Variants in MTHFD2L observed in about 807,000 individuals in gnomAD.
MTHFD2L encodes bifunctional methylenetetrahydrofolate dehydrogenase/cyclohydrolase 2, mitochondrial.
MTHFD2L carries 29 observed loss-of-function variants against 34.9 expected under a neutral mutation model. That is an observed-to-expected ratio of 0.83 (90% CI 0.62 to 1.13). The LOEUF is 1.13. Ranked by LOEUF, MTHFD2L falls within the 50% of genes most tolerant of loss-of-function variation. MTHFD2L has a pLI of 0.00. For synonymous variants in MTHFD2L, 167 were observed against 155.7 expected (o/e 1.07, Z -0.54); for missense variants, 481 against 446.5 (o/e 1.08, Z -0.70).
At chr4:74,168,118 G>C (rs1163552514) in intron 1 of MTHFD2L, among the ~76,000 whole-genome samples, 1 of 152,072 alleles carries the variant, frequency 6.6e-6, no homozygotes, top group Non-Finnish European at 1.5e-5. Flanking sequence ...ATTTTCACCA[G>C]TTATTTTAAA....
intron 1 of MTHFD2L, among the ~76,000 whole-genome samples, chr4:74,127,135 T>C (rs896776561): frequency 6.6e-6 from 1 of 152,198 alleles, no homozygotes; most frequent in African/African-American, 2.4e-5. Context: ...GAGTCAATTA[T>C]GCCTCTTTTC....
At chr4:74,293,229 G>A (rs192593180) in intron 7 of MTHFD2L, among the ~76,000 whole-genome samples, 89 of 152,030 alleles carry the variant, frequency 5.9e-4, no homozygotes, top group Non-Finnish European at 1.0e-3. Context: ...AGTGTGTGAT[G>A]TTCCCCTCCC....
intron 1 of MTHFD2L, 33 bp downstream of exon 1, chr4:74,158,314 G>T (rs1424806052): frequency 1.6e-6 from 2 of 1,240,392 alleles, no homozygotes; most frequent in South Asian, 3.5e-5. Flanking sequence ...GTGCGGAGCC[G>T]CTGGCGGTGG....
chr4:74,254,601 T>C (rs1225807123), intron 6 of MTHFD2L, among the ~76,000 whole-genome samples: 6 of 106,208 alleles, frequency 5.6e-5, no homozygotes, highest in African/African-American at 2.1e-4. Flanking sequence ...AAAAAAAAAA[T>C]GCTGAGGGAG....
upstream of MTHFD2L, among the ~76,000 whole-genome samples, chr4:74,155,612 T>C (rs1433226069): frequency 3.9e-5 from 6 of 152,120 alleles, no homozygotes; most frequent in Non-Finnish European, 7.4e-5. Context: ...TGTCAAACTT[T>C]AGGTAAAACA....
intron 3 of MTHFD2L, among the ~76,000 whole-genome samples, chr4:74,190,112 AC>A (rs1472914058): frequency 1.3e-5 from 2 of 152,204 alleles, no homozygotes; most frequent in African/African-American, 4.8e-5. Context: ...TCCCAAAAAA[AC>A]ATCTTTTCTT....
chr4:74,182,220 C>T (rs887082051), intron 3 of MTHFD2L, among the ~76,000 whole-genome samples: 1 of 152,138 alleles, frequency 6.6e-6, no homozygotes, highest in African/African-American at 2.4e-5. Context: ...ACCCTGTAAT[C>T]TGCCTTGTAT....
At chr4:74,196,511 G>T (rs1027958011) in intron 3 of MTHFD2L, among the ~76,000 whole-genome samples, 12 of 152,214 alleles carry the variant, frequency 7.9e-5, no homozygotes, top group African/African-American at 2.9e-4. Context: ...TCCAACAGAT[G>T]TGGGGGAAGT....
intron 6 of MTHFD2L, among the ~76,000 whole-genome samples, chr4:74,233,834 G>GA (rs1439049922): frequency 6.6e-6 from 1 of 151,506 alleles, no homozygotes; most frequent in Non-Finnish European, 1.5e-5. Context: ...AGGGACTTTT[G>GA]AAAAGGGGGA....
intron 1 of MTHFD2L, chr4:74,160,397 T>G (rs1725173495): frequency 5.7e-6 from 1 of 175,908 alleles, no homozygotes. Context: ...CCTATAATAA[T>G]GGAATATTTA....
chr4:74,133,622 C>G (rs1722705094), intron 1 of MTHFD2L, among the ~76,000 whole-genome samples: 1 of 152,038 alleles, frequency 6.6e-6, no homozygotes, highest in Admixed American at 6.6e-5. Flanking sequence ...TGTTTCAATT[C>G]AGCAAATGTG....
intron 1 of MTHFD2L, among the ~76,000 whole-genome samples, chr4:74,168,515 C>T (rs918464928): frequency 2.0e-5 from 3 of 152,186 alleles, no homozygotes; most frequent in African/African-American, 7.2e-5. Flanking sequence ...TCATGTTACA[C>T]ATATTAAATA....
At chr4:74,291,467 G>A (rs1748950324) in intron 7 of MTHFD2L, among the ~76,000 whole-genome samples, 1 of 152,100 alleles carries the variant, frequency 6.6e-6, no homozygotes, top group African/African-American at 2.4e-5. Context: ...GGGAACAAAA[G>A]CTTTCATGCA....
At position 74,266,262 on chromosome 4, in the gene MTHFD2L, A is replaced by T. The variant is rs549524906; in HGVS notation, c.806-15163A>T. The stretch of plus-strand genomic sequence containing the variant: ...TTAGTTTTCACTATTATGTTTCTAA[A>T]CTCTCATCAAATGAGCTAGTCATCA... On this transcript the variant is annotated intron_variant, in intron 6 of 7. Transcript: ENST00000325278. Among the ~76,000 whole-genome samples, 4 of 152,154 alleles carry T rather than the reference A, an allele frequency of 2.6e-5. No homozygotes were observed. The East Asian group carries it at 7.7e-4, about 29-fold the overall frequency.
chr4:74,214,474 A>C (rs1258911907), intron 5 of MTHFD2L, among the ~76,000 whole-genome samples: 2 of 151,714 alleles, frequency 1.3e-5, no homozygotes, highest in Non-Finnish European at 2.9e-5. Flanking sequence ...CCTCTGCTGC[A>C]GGTCTGCTGG....
Position 74,167,477 on chromosome 4 carries a change from CAGGT to C in MTHFD2L, c.144-7026_144-7023del, listed in dbSNP as rs1431386784. On this transcript the variant is annotated intron_variant, in intron 1 of 7. Transcript: ENST00000325278. ...CTACAGGCTGCCTATCCAGAGAACA[CAGGT>C]AGACAACTAGACAATATCAGTGATT... is the stretch of plus-strand genomic sequence containing the variant. Among the ~76,000 whole-genome samples the C allele has an allele frequency of 5.3e-5, 8 of 152,198 alleles. No individual in the cohort carries two copies. The South Asian group carries it at 6.2e-4, about 12-fold the overall frequency.
chr4:74,300,512 T>C lies in MTHFD2L; in HGVS notation c.932-1185T>C, dbSNP rs1750167842. Among the ~76,000 whole-genome samples, 3 of 152,050 alleles carry C rather than the reference T, an allele frequency of 2.0e-5. No individual in the cohort carries two copies. The South Asian group carries it at 6.2e-4, about 31-fold the overall frequency. Reference sequence around the variant, plus strand: ...AATTGTAAAAGGCAATACATCTAAATAGCATGTGGTTAATAATGTCAGATT... The same window carrying C: ...AATTGTAAAAGGCAATACATCTAAACAGCATGTGGTTAATAATGTCAGATT... On this transcript the variant is annotated intron_variant, in intron 7 of 7. Transcript: ENST00000325278.
intron 4 of MTHFD2L, 26 bp downstream of exon 4, chr4:74,199,972 A>G (rs763729361): frequency 6.2e-6 from 10 of 1,612,652 alleles, no homozygotes; most frequent in Admixed American, 5.0e-5. Flanking sequence ...TCTGCAGGAC[A>G]TGGATGCTAG....
chr4:74,245,892 G>C (rs533392623), intron 6 of MTHFD2L, among the ~76,000 whole-genome samples: 28 of 150,588 alleles, frequency 1.9e-4, no homozygotes, highest in East Asian at 1.4e-3. Context: ...GGACATTTGG[G>C]TTGGTTCCAA....
Sources: gnomAD v4.1 joint callset for allele counts (sites outside exome capture counted in the v4.1 genomes callset) on GRCh38, gnomAD v4.1.1 for gene constraint, MANE v1.5 for transcripts, NCBI Gene and HGNC (gene_info 2026-07-23, HGNC 2026-07-21) for gene names.